Variants in CCDC34 observed in about 807,000 individuals in gnomAD.
The protein encoded by CCDC34 is coiled-coil domain-containing protein 34.
Under a neutral mutation model 44.1 loss-of-function variants are expected in CCDC34, and 40 were observed. The observed-to-expected ratio is 0.91, with a 90% CI of 0.70 to 1.18. The LOEUF is 1.18. Ranked by LOEUF, CCDC34 falls within the 50% of genes most tolerant of loss-of-function variation. CCDC34 has a pLI of 0.00. For missense variants in CCDC34, 466 were observed against 452.3 expected (o/e 1.03, Z -0.28); for synonymous variants, 159 against 158.2 (o/e 1.01, Z -0.04).
At chr11:27,355,391 T>C (rs1862560393) in intron 2 of CCDC34, among the ~76,000 whole-genome samples, 1 of 152,166 alleles carries the variant, frequency 6.6e-6, no homozygotes, top group South Asian at 2.1e-4. Flanking sequence ...GAGTGCTCAC[T>C]ATGAACAAAT....
At chr11:27,362,717 G>T in intron 1 of CCDC34, 119 bp downstream of exon 1, 1 of 1,192,550 alleles carries the variant, frequency 8.4e-7, no homozygotes, top group Non-Finnish European at 1.2e-6. Context: ...CGGCACCTCA[G>T]TCTGCAAGTG....
intron 3 of CCDC34, among the ~76,000 whole-genome samples, chr11:27,345,950 G>A (rs1862426541): frequency 6.6e-6 from 1 of 151,910 alleles, no homozygotes; most frequent in South Asian, 2.1e-4. Context: ...AGCACCTGTT[G>A]TTTCCTGACT....
chr11:27,350,774 A>C (rs1862495698), intron 2 of CCDC34, among the ~76,000 whole-genome samples: 2 of 152,224 alleles, frequency 1.3e-5, no homozygotes, highest in African/African-American at 2.4e-5. Flanking sequence ...GAAGCTCAAG[A>C]GAATTGCAAC....
At chr11:27,356,280 T>C (rs1314693320) in intron 2 of CCDC34, among the ~76,000 whole-genome samples, 1 of 151,906 alleles carries the variant, frequency 6.6e-6, no homozygotes, top group Non-Finnish European at 1.5e-5. Flanking sequence ...CCTCCCAAAG[T>C]GCTGGCATTA....
intron 2 of CCDC34, 76 bp from the exon 3 acceptor site, chr11:27,350,515 T>C: frequency 2.2e-6 from 3 of 1,363,338 alleles, no homozygotes; most frequent in Non-Finnish European, 3.0e-6. Context: ...AGTCTGAGGT[T>C]ATTAACCAAA....
chr11:27,358,961 C>CG (rs1862618549), intron 1 of CCDC34, among the ~76,000 whole-genome samples: 1 of 104,572 alleles, frequency 9.6e-6, no homozygotes, highest in Admixed American at 9.1e-5. Context: ...CATGTGGACC[C>CG]CCCCCCCCCA....
In CCDC34 at chr11:27,338,899, T is replaced by G. The variant is rs773625215; in HGVS notation, c.1044A>C (p.Pro348=). 4.8e-5 allele frequency: 77 copies of G among 1,613,810 alleles called. No individual in the cohort carries two copies. Among genetic ancestry groups the G allele is most frequent in the Non-Finnish European group, 6.4e-5 (75 of 1,179,896 alleles). The change falls in exon 6 of 6, where the codon CCA becomes CCC. Residue 348 remains proline, a synonymous_variant. Transcript: ENST00000328697. ...GAATTACCAGAGATGATGACTTGTG[T>G]GGCTGACTTATCACAGGTCTTTTAC... ...RKSKRPVISQ[P]HKSSSLVIHK...
intron 1 of CCDC34, among the ~76,000 whole-genome samples, chr11:27,359,423 T>G (rs757805174): frequency 6.6e-6 from 1 of 152,210 alleles, no homozygotes; most frequent in Non-Finnish European, 1.5e-5. Flanking sequence ...GAGCTTAGAT[T>G]TGGGCGTAAA....
intron 1 of CCDC34, among the ~76,000 whole-genome samples, chr11:27,358,402 G>C (rs1206657028): frequency 6.6e-6 from 1 of 152,180 alleles, no homozygotes; most frequent in Non-Finnish European, 1.5e-5. Flanking sequence ...TAGCTCTAAA[G>C]ACTAGTTTAT....
chr11:27,347,958 G>C (rs1185421157), intron 3 of CCDC34, among the ~76,000 whole-genome samples: 1 of 152,000 alleles, frequency 6.6e-6, no homozygotes, highest in Non-Finnish European at 1.5e-5. Flanking sequence ...AGTGTGAACA[G>C]AATGCCTTTA....
intron 5 of CCDC34, among the ~76,000 whole-genome samples, chr11:27,340,276 G>A (rs1430062885): frequency 6.6e-6 from 1 of 152,086 alleles, no homozygotes; most frequent in Admixed American, 6.6e-5. Flanking sequence ...TTTGTGTCTG[G>A]TTCATGTGCT....
intron 2 of CCDC34, among the ~76,000 whole-genome samples, chr11:27,355,344 T>G (rs974224258): frequency 9.9e-5 from 15 of 152,148 alleles, no homozygotes; most frequent in East Asian, 1.9e-4. Flanking sequence ...TATAGAGAGA[T>G]ATATGTAGGT....
chr11:27,358,464 G>T (rs1379636975), intron 1 of CCDC34, among the ~76,000 whole-genome samples: 1 of 152,100 alleles, frequency 6.6e-6, no homozygotes, highest in African/African-American at 2.4e-5. Flanking sequence ...GCAACCAATT[G>T]CTTCACCCAC....
At chr11:27,343,739 C>A (rs149426944) in intron 3 of CCDC34, among the ~76,000 whole-genome samples, 1 of 152,270 alleles carries the variant, frequency 6.6e-6, no homozygotes, top group Non-Finnish European at 1.5e-5. Context: ...ATTCTACATA[C>A]TTTATTTGTA....
At chr11:27,349,921 C>A (rs75721881) in intron 3 of CCDC34, 11,566 of 1,029,336 alleles carry the variant, frequency 0.011, 68 homozygotes, top group Non-Finnish European at 0.013. Flanking sequence ...TGATTAGGAA[C>A]AACAGAAGAA....
chr11:27,356,510 A>T (rs984923883), intron 2 of CCDC34, among the ~76,000 whole-genome samples: 6 of 152,066 alleles, frequency 3.9e-5, no homozygotes, highest in Non-Finnish European at 7.4e-5. Context: ...CATTAAAAAG[A>T]AGAAGTGTCC....
Position 27,363,169 on chromosome 11 carries a change from G to C in CCDC34, c.26C>G (p.Pro9Arg). Residue 9 changes from proline (P) to arginine (R), a missense_variant, in exon 1 of 6, where the codon CCT becomes CGT. Transcript: ENST00000328697. MWAAGRWG[P>R]TFPSSYAGFS... ...ACCGGCGTAGGAAGAGGGAAAAGTA[G>C]GCCCCCAGCGCCCCGCCGCCCACAT... 3 of 1,493,904 alleles carry C rather than the reference G, an allele frequency of 2.0e-6. No individual in the cohort carries two copies. The highest frequency in any genetic ancestry group is 2.7e-6 in the Non-Finnish European group (3 of 1,127,734). The allele number at this position is 1,493,904 out of a possible 1,614,324, so 92.5% of individuals were successfully genotyped here. A position where few individuals can be genotyped will look rare whatever the true frequency, so the allele number is the denominator to read the frequency against.
At chr11:27,346,757 CT>C (rs1862440610) in intron 3 of CCDC34, among the ~76,000 whole-genome samples, 1 of 152,104 alleles carries the variant, frequency 6.6e-6, no homozygotes, top group East Asian at 1.9e-4. Flanking sequence ...TCCCAAATTC[CT>C]ATGTTGAATC....
At chr11:27,355,176 T>C (rs1340244991) in intron 2 of CCDC34, among the ~76,000 whole-genome samples, 1 of 152,212 alleles carries the variant, frequency 6.6e-6, no homozygotes, top group African/African-American at 2.4e-5. Flanking sequence ...AGAAATTGAA[T>C]TTTGTTCTAC....
Sources: allele counts gnomAD v4.1 joint callset (sites outside exome capture counted in the v4.1 genomes callset), GRCh38; gene constraint gnomAD v4.1.1; transcripts MANE v1.5; gene names NCBI Gene and HGNC (gene_info 2026-07-23, HGNC 2026-07-21).